The following FBXL13 variants were observed in gnomAD, a reference collection of about 807,000 sequenced individuals.
FBXL13 encodes F-box and leucine-rich repeat protein 13.
A neutral mutation model predicts 83.6 loss-of-function variants in FBXL13; 67 were observed. That is an observed-to-expected ratio of 0.80 (90% confidence interval 0.66 to 0.98). FBXL13 has a LOEUF of 0.98. FBXL13 is among the 50% of genes least tolerant of loss of function. FBXL13 has a pLI of 0.00. For missense variants in FBXL13, 822 were observed against 866.5 expected, an observed-to-expected ratio of 0.95 and a Z score of 0.64; for synonymous variants, 272 against 299.5, an observed-to-expected ratio of 0.91 and a Z score of 0.95.
chr7:102,928,150 CAAAATT>C (rs1316184838), intron 9 of FBXL13, among the ~76,000 whole-genome samples: 1 of 152,158 alleles, frequency 6.6e-6, no homozygotes, highest in African/African-American at 2.4e-5. Context: ...GACATCCAAA[CAAAATT>C]AGACCACTCC....
chr7:102,976,367 C>G, intron 6 of FBXL13: 1 of 595,528 alleles, frequency 1.7e-6, no homozygotes, highest in South Asian at 2.1e-5. Flanking sequence ...GCCCCCCGCT[C>G]CACTTTTCTG....
intron 17 of FBXL13, among the ~76,000 whole-genome samples, chr7:102,839,440 C>A (rs1422356554): frequency 1.3e-5 from 2 of 152,200 alleles, no homozygotes; most frequent in South Asian, 2.1e-4. Flanking sequence ...TGTCTTATTT[C>A]TTTTCTCAGT....
chr7:102,871,953 C>G (rs1452891194), intron 16 of FBXL13, among the ~76,000 whole-genome samples: 1 of 152,070 alleles, frequency 6.6e-6, no homozygotes, highest in Non-Finnish European at 1.5e-5. Context: ...CAGTCTGTCC[C>G]CCAGAGAACA....
chr7:102,859,826 G>GACTACATTTT (rs1806546740), intron 16 of FBXL13, among the ~76,000 whole-genome samples: 1 of 152,180 alleles, frequency 6.6e-6, no homozygotes, highest in South Asian at 2.1e-4. Context: ...CATAAAAAGG[G>GACTACATTTT]ACTACATTTT....
At chr7:102,978,656 C>A (rs573756159) in intron 6 of FBXL13, 4 of 235,480 alleles carry the variant, frequency 1.7e-5, no homozygotes, top group Non-Finnish European at 3.4e-5. Context: ...ATTAAAACAG[C>A]GTGTTGCTCC....
At chr7:102,967,910 G>T in intron 7 of FBXL13, 112 bp downstream of exon 8, 1 of 652,872 alleles carries the variant, frequency 1.5e-6, no homozygotes, top group Non-Finnish European at 2.5e-6. Flanking sequence ...TTCACTTGCT[G>T]CTGGTGACCA....
chr7:103,061,175 GTTTT>G (rs1159174454), intron 1 of FBXL13, among the ~76,000 whole-genome samples: 2 of 144,738 alleles, frequency 1.4e-5, no homozygotes, highest in Non-Finnish European at 3.0e-5. Flanking sequence ...GACTTGAAGG[GTTTT>G]TTTTTTTTGT....
chr7:103,021,214 C>G lies in FBXL13; in HGVS notation c.495+3849G>C, dbSNP rs1406859968. On this transcript the variant is annotated intron_variant, in intron 6 of 19. Coordinates refer to ENST00000313221, the Ensembl canonical transcript of FBXL13. ...ACCATCTGATCTTTGACAAACCTGA[C>G]AAAAACAAGAAATGGGGAAAGGATT... Among the ~76,000 whole-genome samples the G allele has an allele frequency of 3.3e-5, 5 of 151,968 alleles. No individual in the cohort carries two copies. The South Asian group carries it at 6.2e-4, about 19-fold the overall frequency.
intron 11 of FBXL13, among the ~76,000 whole-genome samples, chr7:102,907,320 CT>C (rs887964621): frequency 2.6e-5 from 4 of 151,312 alleles, no homozygotes; most frequent in African/African-American, 4.9e-5. Context: ...GTTTTTCATT[CT>C]TTTTTTTTAT....
chr7:102,884,421 A>T, intron 11 of FBXL13, 109 bp from the exon 13 acceptor site: 1 of 786,304 alleles, frequency 1.3e-6, no homozygotes. Flanking sequence ...TTTTAAAATT[A>T]ACCATAAAAT....
chr7:103,048,165 G>T (rs1796461670), intron 2 of FBXL13, among the ~76,000 whole-genome samples: 1 of 152,050 alleles, frequency 6.6e-6, no homozygotes. Flanking sequence ...AAAGTTAGAG[G>T]TCAGAAAAGA....
chr7:102,852,638 A>G (rs893437229), intron 17 of FBXL13, among the ~76,000 whole-genome samples: 7 of 152,212 alleles, frequency 4.6e-5, no homozygotes, highest in African/African-American at 1.7e-4. Context: ...CCACAATGCA[A>G]AACCATCTTA....
intron 2 of FBXL13, among the ~76,000 whole-genome samples, chr7:103,038,499 G>A (rs942922832): frequency 1.3e-5 from 2 of 152,252 alleles, no homozygotes; most frequent in Non-Finnish European, 2.9e-5. Context: ...AGAATGGACA[G>A]ACTGCCTCCT....
chr7:103,073,533 A>C (rs541553401), intron 1 of FBXL13, among the ~76,000 whole-genome samples: 1 of 152,250 alleles, frequency 6.6e-6, no homozygotes, highest in Admixed American at 6.5e-5. Context: ...ATTTCTTCTT[A>C]GTAGGTACAG....
intron 6 of FBXL13, among the ~76,000 whole-genome samples, chr7:103,002,209 C>CA (rs917693097): frequency 9.2e-5 from 14 of 151,584 alleles, no homozygotes; most frequent in African/African-American, 1.9e-4. Context: ...ATGAGAATTA[C>CA]AAAAAAAATC....
At chr7:102,877,741 A>C (rs1809463792) in intron 15 of FBXL13, 148 bp from the exon 17 acceptor site, 7 of 745,912 alleles carry the variant, frequency 9.4e-6, no homozygotes, top group Non-Finnish European at 1.5e-5. Flanking sequence ...AAAAGTAGAA[A>C]GTAATTTGAC....
intron 1 of FBXL13, among the ~76,000 whole-genome samples, chr7:103,060,025 TATATA>T (rs1797716127): frequency 1.4e-5 from 1 of 71,192 alleles, no homozygotes. Context: ...ATATTTTATA[TATATA>T]TATATATATA....
intron 6 of FBXL13, among the ~76,000 whole-genome samples, chr7:103,007,551 T>C (rs1791116537): frequency 6.6e-6 from 1 of 152,128 alleles, no homozygotes; most frequent in South Asian, 2.1e-4. Context: ...ACTAACAGAC[T>C]TGTGCTTCAA....
intron 2 of FBXL13, among the ~76,000 whole-genome samples, chr7:103,043,980 T>G (rs12113318): frequency 0.15 from 22,126 of 152,192 alleles, 1,790 homozygotes; most frequent in African/African-American, 0.21. Context: ...GAGTCAAGAT[T>G]CATTAAAAGT....
Sources: gnomAD v4.1 joint callset for allele counts (sites outside exome capture counted in the v4.1 genomes callset) on GRCh38, gnomAD v4.1.1 for gene constraint, MANE v1.5 for transcripts, NCBI Gene and HGNC (gene_info 2026-07-23, HGNC 2026-07-21) for gene names.